GRB10: variants seen among roughly 807,000 people sequenced by gnomAD.
GRB10 encodes the protein growth factor receptor-bound protein 10.
In GRB10, 20 loss-of-function variants were observed where a neutral mutation model predicts 80.9. The observed-to-expected ratio is 0.25, with a 90% confidence interval of 0.17 to 0.36. The LOEUF (loss-of-function observed/expected upper bound fraction) is 0.36. GRB10 is among the 10% of genes least tolerant of loss of function. The pLI, the probability that GRB10 is intolerant of heterozygous loss-of-function variation, is 1.00. For missense variants in GRB10, 548 were observed against 747.7 expected (o/e 0.73, Z 3.12); for synonymous variants, 291 against 291.5 (o/e 1.00, Z 0.02).
chr7:50,631,890 C>T (rs1360997443), intron 7 of GRB10, among the ~76,000 whole-genome samples: 1 of 152,148 alleles, frequency 6.6e-6, no homozygotes, highest in Admixed American at 6.5e-5. Context: ...GTACTGGAGC[C>T]AGGATCTAAC....
intron 4 of GRB10, among the ~76,000 whole-genome samples, chr7:50,704,516 G>C (rs2064763511): frequency 1.3e-5 from 2 of 152,196 alleles, no homozygotes; most frequent in African/African-American, 4.8e-5. Context: ...TATTATCAGT[G>C]ACTAACTTGG....
intron 5 of GRB10, among the ~76,000 whole-genome samples, chr7:50,693,232 A>T (rs2063040337): frequency 6.6e-6 from 1 of 151,566 alleles, no homozygotes; most frequent in African/African-American, 2.4e-5. Context: ...AAAAAACAAA[A>T]TTTTTTCTTG....
chr7:50,636,167 C>G (rs938336061), intron 7 of GRB10, among the ~76,000 whole-genome samples: 3 of 151,838 alleles, frequency 2.0e-5, no homozygotes, highest in Non-Finnish European at 1.5e-5. Flanking sequence ...CTAGTAGAGA[C>G]AGGGTTTTGC....
chr7:50,622,597 C>G (rs1157522918), intron 8 of GRB10, among the ~76,000 whole-genome samples: 1 of 152,170 alleles, frequency 6.6e-6, no homozygotes, highest in Non-Finnish European at 1.5e-5. Context: ...TCCAGCCTCT[C>G]TCCCAGATTA....
intron 2 of GRB10, among the ~76,000 whole-genome samples, chr7:50,772,241 G>A (rs2077049290): frequency 6.6e-6 from 1 of 152,078 alleles, no homozygotes; most frequent in Admixed American, 6.6e-5. Context: ...CCACAAAATG[G>A]CCACTAGGTC....
At chr7:50,618,867 G>T (rs886990080) in intron 9 of GRB10, among the ~76,000 whole-genome samples, 1 of 152,240 alleles carries the variant, frequency 6.6e-6, no homozygotes, top group African/African-American at 2.4e-5. Flanking sequence ...GTTCAACTGA[G>T]AACTTTCAAA....
Position 50,633,709 on chromosome 7 carries a change from AAAC to A in GRB10, c.505-6734_505-6732del, listed in dbSNP as rs55948218. 3.9e-3 allele frequency among the ~76,000 whole-genome samples: 592 copies of A among 151,604 alleles called. 3 individuals are homozygous for A. The highest frequency in any genetic ancestry group is 6.4e-3 in the Non-Finnish European group (433 of 67,930). On this transcript the variant is annotated intron_variant, in intron 7 of 18. Coordinates refer to ENST00000401949, the MANE Select transcript of GRB10 (RefSeq NM_001350814.2). ...GAGATAGATATATTAAAAACAAACA[AAAC>A]AACAACAACAACTTTTGGAAATGAA...
intron 5 of GRB10, among the ~76,000 whole-genome samples, chr7:50,678,155 G>A (rs564519279): frequency 4.6e-5 from 7 of 152,152 alleles, no homozygotes; most frequent in Non-Finnish European, 1.0e-4. Context: ...TCATTCCTGG[G>A]TCATAGCTCT....
Position 50,592,837 on chromosome 7 carries a change from A to ATCTCGC in GRB10, c.*109_*114dup. ...TGGTCGGCTGGCACCGAACAAACCC[A>ATCTCGC]TCTCGCTCTGGGTCCCCAGGTGCAG... On this transcript the variant is annotated 3_prime_UTR_variant, in exon 19 of 19. Transcript: ENST00000401949. 2 of 1,229,312 alleles carry ATCTCGC rather than the reference A, an allele frequency of 1.6e-6. No individual in the cohort carries two copies. Among genetic ancestry groups the ATCTCGC allele is most frequent in the East Asian group, 4.6e-5 (2 of 43,020 alleles). The allele number at this position is 1,229,312 out of a possible 1,614,324, so 76.2% of individuals were successfully genotyped here.
chr7:50,617,068 C>T (rs548807079), intron 10 of GRB10, among the ~76,000 whole-genome samples: 12 of 152,262 alleles, frequency 7.9e-5, no homozygotes, highest in African/African-American at 2.9e-4. Context: ...GAGATCACTG[C>T]ACATCTTCAC....
intron 7 of GRB10, among the ~76,000 whole-genome samples, chr7:50,647,472 T>C (rs2057370670): frequency 1.3e-5 from 2 of 152,252 alleles, no homozygotes; most frequent in African/African-American, 4.8e-5. Context: ...ACTGAGCAGA[T>C]GCTCCCTGAG....
intron 3 of GRB10, among the ~76,000 whole-genome samples, chr7:50,734,303 A>G (rs2070410727): frequency 6.6e-6 from 1 of 151,802 alleles, no homozygotes; most frequent in African/African-American, 2.4e-5. Flanking sequence ...TCCTAGCCCC[A>G]TCTCTAAACA....
chr7:50,679,510 T>C (rs1043229362), intron 5 of GRB10, among the ~76,000 whole-genome samples: 2 of 152,220 alleles, frequency 1.3e-5, no homozygotes, highest in African/African-American at 2.4e-5. Flanking sequence ...CTTTACTAAA[T>C]GATTTGGCAA....
chr7:50,605,967 G>A (rs992104502), intron 14 of GRB10, among the ~76,000 whole-genome samples: 2 of 152,190 alleles, frequency 1.3e-5, no homozygotes, highest in African/African-American at 4.8e-5. Flanking sequence ...AATGAATGCA[G>A]CGTTAATAGT....
rs976152375 is a variant in GRB10, at chr7:50,605,319, C to A, written c.1360G>T (p.Ala454Ser). 6.2e-7 allele frequency: 1 copy of A among 1,613,876 alleles called. No individual in the cohort carries two copies. The highest frequency in any genetic ancestry group is 8.5e-7 in the Non-Finnish European group (1 of 1,179,902). The change falls in exon 15 of 19, where the codon GCA becomes TCA. Residue 454 changes from alanine to serine, a missense_variant. By Grantham distance (99) the Ala-to-Ser change is moderately conservative. Transcript: ENST00000401949. ...VIENPAEAQS[A>S]ALEEGHAWRK... Reference sequence around the variant, plus strand: ...CAGGCGTGGCCCTCCTCCAGGGCTGCGCTCTGGGCCTCTGCCGGATTCTCT... The same window carrying A: ...CAGGCGTGGCCCTCCTCCAGGGCTGAGCTCTGGGCCTCTGCCGGATTCTCT...
At chr7:50,637,322 A>T (rs1314925977) in intron 7 of GRB10, among the ~76,000 whole-genome samples, 2 of 152,198 alleles carry the variant, frequency 1.3e-5, no homozygotes, top group Middle Eastern at 3.2e-3. Flanking sequence ...TTGATAAACG[A>T]CTTCAGTAAA....
chr7:50,784,144 G>A (rs1043794256), upstream of GRB10, among the ~76,000 whole-genome samples: 3 of 152,150 alleles, frequency 2.0e-5, no homozygotes, highest in African/African-American at 7.2e-5. Flanking sequence ...AGGTGTTAGC[G>A]CTTTTGACTC....
intron 5 of GRB10, among the ~76,000 whole-genome samples, chr7:50,689,130 C>T (rs371429430): frequency 2.4e-4 from 37 of 152,228 alleles, no homozygotes; most frequent in African/African-American, 7.5e-4. Context: ...GTGCCCCGTC[C>T]GCTCCAAGGT....
chr7:50,629,435 C>T (rs192920257), intron 7 of GRB10, among the ~76,000 whole-genome samples: 1 of 152,258 alleles, frequency 6.6e-6, no homozygotes, highest in African/African-American at 2.4e-5. Flanking sequence ...GCTGGCGAGA[C>T]CCTGAGGGGG....
Sources: gnomAD v4.1 joint callset for allele counts (sites outside exome capture counted in the v4.1 genomes callset) on GRCh38, gnomAD v4.1.1 for gene constraint, MANE v1.5 for transcripts, NCBI Gene and HGNC (gene_info 2026-07-23, HGNC 2026-07-21) for gene names.